The following RCBTB1 variants were observed in gnomAD, a reference collection of about 807,000 sequenced individuals.
RCBTB1 encodes the protein RCC1 and BTB domain-containing protein 1.
RCBTB1 carries 46 observed loss-of-function variants against 62.4 expected under a neutral mutation model. The observed-to-expected ratio is 0.74, with a 90% CI of 0.58 to 0.94. RCBTB1 has a LOEUF of 0.94. RCBTB1 is among the 40% of genes least tolerant of loss of function. The pLI is 0.00. For missense variants in RCBTB1, 565 were observed against 654.9 expected (o/e 0.86, Z 1.50); for synonymous variants, 222 against 245.8 (o/e 0.90, Z 0.91).
chr13:49,536,174 G>A (rs1282530281), intron 12 of RCBTB1, among the ~76,000 whole-genome samples: 2 of 152,162 alleles, frequency 1.3e-5, no homozygotes, highest in South Asian at 2.1e-4. Flanking sequence ...ATCTGGGTAT[G>A]CAATAAATAT....
chr13:49,580,349 C>T (rs558380065), intron 2 of RCBTB1, among the ~76,000 whole-genome samples, 156 bp downstream of exon 2: 2 of 152,174 alleles, frequency 1.3e-5, no homozygotes, highest in African/African-American at 2.4e-5. Context: ...TTTTAGGAGG[C>T]GAAGGCAGGA....
chr13:49,551,474 A>G lies in RCBTB1; in HGVS notation c.712-6T>C, dbSNP rs766220671. The G allele has an allele frequency of 1.2e-6, 2 of 1,613,866 alleles. No individual in the cohort carries two copies. Among genetic ancestry groups the G allele is most frequent in the Admixed American group, 3.3e-5 (2 of 59,986 alleles). On this transcript the variant is annotated splice_region_variant and splice_polypyrimidine_tract_variant and intron_variant, in intron 7 of 12. Coordinates refer to ENST00000378302, the MANE Select transcript of RCBTB1 (RefSeq NM_018191.4). ...TGTGCGTAACCGCAGACAATCTGCA[A>G]GTAAATTGAAACGGTTACCATTAGC... is the stretch of plus-strand genomic sequence containing the variant.
intron 9 of RCBTB1, among the ~76,000 whole-genome samples, chr13:49,548,384 G>A (rs1470575873): frequency 8.7e-5 from 12 of 137,390 alleles, no homozygotes; most frequent in African/African-American, 2.2e-4. Context: ...GTGAGACTCC[G>A]TCTCAAAAAA....
At position 49,567,303 on chromosome 13, in the gene RCBTB1, A is replaced by G; in HGVS notation, c.-24T>C. 6.2e-7 allele frequency: 1 copy of G among 1,611,812 alleles called. No individual in the cohort carries two copies. The highest frequency in any genetic ancestry group is 1.1e-5 in the South Asian group (1 of 90,876). On this transcript the variant is annotated 5_prime_UTR_variant, in exon 3 of 13. An upstream open reading frame in the 5' UTR loses its in-frame stop. Transcript: ENST00000378302. ...ATGACTCTGGCTTCAAGCAATTCCTATAAATAAGCCGACATCTCTGCTGGA... is the reference window on the plus strand; with the variant it reads ...ATGACTCTGGCTTCAAGCAATTCCTGTAAATAAGCCGACATCTCTGCTGGA...
chr13:49,558,861 C>T (rs1242234046), intron 5 of RCBTB1, among the ~76,000 whole-genome samples: 2 of 152,150 alleles, frequency 1.3e-5, no homozygotes, highest in Non-Finnish European at 2.9e-5. Context: ...GCTTTGCAAA[C>T]ATTTATTCCT....
intron 5 of RCBTB1, among the ~76,000 whole-genome samples, chr13:49,558,366 G>T (rs1259643222): frequency 6.6e-6 from 1 of 152,126 alleles, no homozygotes; most frequent in African/African-American, 2.4e-5. Flanking sequence ...ATGAATGAAT[G>T]AATAAATGAA....
intron 2 of RCBTB1, among the ~76,000 whole-genome samples, chr13:49,577,906 T>C (rs1963879176): frequency 2.6e-5 from 4 of 152,260 alleles, no homozygotes; most frequent in Admixed American, 2.6e-4. Flanking sequence ...ACACATACAC[T>C]GAAAATTCCT....
Position 49,541,835 on chromosome 13 carries a change from A to G in RCBTB1, c.1173-8T>C, listed in dbSNP as rs1223020438. 6.3e-7 allele frequency: 1 copy of G among 1,596,876 alleles called. No homozygotes were observed. The highest frequency in any genetic ancestry group is 1.1e-5 in the South Asian group (1 of 87,722). ...GATCGAAAATGCTCACACCTAAAAC[A>G]GCAAAGCAAAAGTCTTATTTGTTCA... On this transcript the variant is annotated splice_polypyrimidine_tract_variant and splice_region_variant and intron_variant, in intron 10 of 12. Coordinates refer to ENST00000378302, the MANE Select transcript of RCBTB1 (RefSeq NM_018191.4).
chr13:49,582,152 G>A lies in RCBTB1; in HGVS notation c.-121-1568C>T, dbSNP rs897561299. Among the ~76,000 whole-genome samples, 6 of 152,308 alleles carry A rather than the reference G, an allele frequency of 3.9e-5. No homozygotes were observed. In the South Asian group the frequency reaches 1.2e-3, roughly 32 times the overall value. ...AGAGGAGAGGATGTAACAACTCAATGGGCCTTAAGAAAGTAGCAGGGAATG... is the reference window on the plus strand; with the variant it reads ...AGAGGAGAGGATGTAACAACTCAATAGGCCTTAAGAAAGTAGCAGGGAATG... On this transcript the variant is annotated intron_variant, in intron 1 of 12. Transcript: ENST00000378302.
chr13:49,554,490 G>A (rs1961674107), intron 6 of RCBTB1, among the ~76,000 whole-genome samples: 1 of 152,106 alleles, frequency 6.6e-6, no homozygotes, highest in East Asian at 1.9e-4. Flanking sequence ...AAACTCTAAA[G>A]CACCCTAGCA....
intron 2 of RCBTB1, among the ~76,000 whole-genome samples, chr13:49,571,679 C>G (rs1416409073): frequency 2.6e-5 from 4 of 152,152 alleles, no homozygotes; most frequent in African/African-American, 9.7e-5. Flanking sequence ...GGCAGAACAA[C>G]AGAACAGGGT....
chr13:49,570,827 G>C (rs1245416600), intron 2 of RCBTB1, among the ~76,000 whole-genome samples: 1 of 152,198 alleles, frequency 6.6e-6, no homozygotes, highest in African/African-American at 2.4e-5. Context: ...GTGAGGAGGA[G>C]ACTGTAAACC....
chr13:49,559,990 A>G lies in RCBTB1; in HGVS notation c.372T>C (p.Asn124=). 6.2e-7 allele frequency: 1 copy of G among 1,614,166 alleles called. No individual in the cohort carries two copies. The highest frequency in any genetic ancestry group is 8.5e-7 in the Non-Finnish European group (1 of 1,180,012). ...QGIAPVQVCT[N]LLIKQVVEVA... ...CTTCCACCACTTGCTTGATCAAGAG[A>G]TTGGTACAGACCTGGACGGGAGCAA... Residue 124 remains asparagine (N), a synonymous_variant, in exon 5 of 13, where the codon AAT becomes AAC. Coordinates refer to ENST00000378302, the MANE Select transcript of RCBTB1 (RefSeq NM_018191.4).
chr13:49,558,535 T>G (rs944170186), intron 5 of RCBTB1, among the ~76,000 whole-genome samples: 2 of 151,176 alleles, frequency 1.3e-5, no homozygotes, highest in Non-Finnish European at 2.9e-5. Flanking sequence ...CTACTAAAAA[T>G]ACAAAAAAAT....
intron 4 of RCBTB1, among the ~76,000 whole-genome samples, chr13:49,561,803 ATAAC>A (rs2137284434): frequency 6.6e-6 from 1 of 152,202 alleles, no homozygotes; most frequent in South Asian, 2.1e-4. Context: ...ACTAAAACCT[ATAAC>A]AAGTTTCTAT....
intron 8 of RCBTB1, among the ~76,000 whole-genome samples, chr13:49,550,230 C>T (rs1354386658): frequency 1.3e-5 from 2 of 152,118 alleles, no homozygotes; most frequent in East Asian, 1.9e-4. Context: ...CCTCTGCCTT[C>T]GCCTCCCAAA....
intron 8 of RCBTB1, chr13:49,549,906 A>G: frequency 1.0e-6 from 1 of 985,440 alleles, no homozygotes; most frequent in Non-Finnish European, 1.2e-6. Context: ...GAAAACTTGG[A>G]AAACAGACCA....
rs9568240 is a variant in RCBTB1, at chr13:49,532,425, T to G, written c.*1697A>C. On this transcript the variant is annotated 3_prime_UTR_variant, in exon 13 of 13. Transcript: ENST00000378302. ...ATAGTAAACATACTGAAGTTCACAT[T>G]TTGCTCAGATCATAAGCCTATAGAA... The G allele has an allele frequency of 0.046, 7,038 of 152,734 alleles. 240 individuals are homozygous for G. Among genetic ancestry groups the G allele is most frequent in the East Asian group, 0.17 (855 of 5,166 alleles). The allele number at this position is 152,734 out of a possible 1,614,324, so 9.5% of individuals were successfully genotyped here.
chr13:49,555,923 T>C (rs1369016472), intron 5 of RCBTB1, among the ~76,000 whole-genome samples: 7 of 152,182 alleles, frequency 4.6e-5, no homozygotes, highest in Non-Finnish European at 1.0e-4. Flanking sequence ...AGAGGTTAAG[T>C]GACTTGCTTG....
Sources: gnomAD v4.1 joint callset for allele counts (sites outside exome capture counted in the v4.1 genomes callset) on GRCh38, gnomAD v4.1.1 for gene constraint, MANE v1.5 for transcripts, NCBI Gene and HGNC (gene_info 2026-07-23, HGNC 2026-07-21) for gene names.